TPSG1: variants seen among roughly 807,000 people sequenced by gnomAD.
TPSG1 encodes the protein tryptase gamma 1, also known as tryptase gamma.
TPSG1 carries 43 observed loss-of-function variants against 23.8 expected under a neutral mutation model. The observed-to-expected ratio is 1.81, with a 90% CI of 1.42 to 2.33. The LOEUF (loss-of-function observed/expected upper bound fraction) is 2.33. TPSG1 is among the 30% of genes most tolerant of loss of function. TPSG1 has a pLI of 0.00. For missense variants in TPSG1, 623 were observed against 438.6 expected, an observed-to-expected ratio of 1.42 and a Z score of -3.75; for synonymous variants, 302 against 201.3, an observed-to-expected ratio of 1.50 and a Z score of -4.23.
intron 1 of TPSG1, 173 bp from the exon 2 acceptor site, chr16:1,224,801 G>C (rs1023957116): frequency 1.3e-6 from 1 of 775,870 alleles, no homozygotes; most frequent in African/African-American, 1.8e-5. Flanking sequence ...CCCAGGGCTG[G>C]GTGGGACAAG....
chr16:1,225,177 C>A (rs1041980606), intron 1 of TPSG1, 30 bp downstream of exon 1: 9 of 1,560,500 alleles, frequency 5.8e-6, no homozygotes, highest in African/African-American at 2.7e-5. Flanking sequence ...AGATGCCCCC[C>A]CATCCCCACA....
rs112091602 is a variant in TPSG1, at chr16:1,223,729, C to CT, written c.74-136dup. On this transcript the variant is annotated intron_variant, in intron 2 of 5. Coordinates refer to ENST00000234798, the MANE Select transcript of TPSG1 (RefSeq NM_012467.4). Reference sequence around the variant, plus strand: ...CTTCAGCTCTCTCGTCTGCCAGACTCTCCCCAGAAGCATCGTGGGTGCAGC... The same window carrying CT: ...CTTCAGCTCTCTCGTCTGCCAGACTCTTCCCCAGAAGCATCGTGGGTGCAGC... The CT allele has an allele frequency of 5.0e-3, 5,484 of 1,093,364 alleles. 219 individuals carry two copies. The African/African-American group carries it at 0.08, about 16-fold the overall frequency. 67.7% of individuals were successfully genotyped at this position (1,093,364 alleles called of 1,614,324 possible).
Position 1,222,101 on chromosome 16 carries a change from G to A in TPSG1, c.658-5C>T. The A allele has an allele frequency of 4.3e-6, 7 of 1,612,732 alleles. No homozygotes were observed. Among genetic ancestry groups the A allele is most frequent in the Non-Finnish European group, 5.9e-6 (7 of 1,179,992 alleles). On this transcript the variant is annotated splice_region_variant and splice_polypyrimidine_tract_variant and intron_variant, in intron 5 of 5. Transcript: ENST00000234798. Reference sequence around the variant, plus strand: ...CAGAGGCCCCCCGGAGTCGTCCTGAGGACAGAGAAGGCGAGCATTGGGAGC... The same window carrying A: ...CAGAGGCCCCCCGGAGTCGTCCTGAAGACAGAGAAGGCGAGCATTGGGAGC...
rs776208685 is a variant in TPSG1 at position 1,221,913 on chromosome 16, TG to T, written c.840del (p.Arg281GlyfsTer17). 2.5e-6 allele frequency: 4 copies of T among 1,611,202 alleles called. No individual in the cohort carries two copies. The Admixed American group carries it at 6.7e-5, about 27-fold the overall frequency. On this transcript the variant is annotated frameshift_variant, in exon 6 of 6. Coordinates refer to ENST00000234798, the MANE Select transcript of TPSG1 (RefSeq NM_012467.4). LOFTEE classifies it low-confidence loss of function (END_TRUNC). ...TASGGSESGY[P>X]RLPLLAGFFL... The stretch of plus-strand genomic sequence containing the variant: ...AAGAAGCCAGCCAGGAGGGGGAGCC[TG>T]GGGTACCCAGACTCTGAGCCCCCTG...
intron 1 of TPSG1, among the ~76,000 whole-genome samples, chr16:1,224,955 C>T (rs1378256691): frequency 6.6e-6 from 1 of 151,738 alleles, no homozygotes; most frequent in African/African-American, 2.4e-5. Flanking sequence ...CCACCCGCAC[C>T]CCCAACTACC....
chr16:1,221,782 C>A lies in TPSG1; in HGVS notation c.*6G>T. ...TTATTTAAGAAATGCACTTGGATTC[C>A]TGCCATCAGTCAGGGGCGGGGAAGG... On this transcript the variant is annotated 3_prime_UTR_variant, in exon 6 of 6. Transcript: ENST00000234798. 1 of 1,592,356 alleles carries A rather than the reference C, an allele frequency of 6.3e-7. No individual in the cohort carries two copies.
chr16:1,224,412 G>T (rs185223629), intron 2 of TPSG1, among the ~76,000 whole-genome samples, 190 bp downstream of exon 2: 645 of 152,210 alleles, frequency 4.2e-3, no homozygotes, highest in Non-Finnish European at 6.8e-3. Flanking sequence ...CAGTGGTGGT[G>T]GGGGAGACAG....
chr16:1,223,162 A>G (rs577495658), intron 3 of TPSG1, among the ~76,000 whole-genome samples: 10 of 152,306 alleles, frequency 6.6e-5, no homozygotes, highest in African/African-American at 2.4e-4. Flanking sequence ...GCTGGTCAGG[A>G]GGCAGATTGC....
At chr16:1,224,868 C>T (rs936631568) in intron 1 of TPSG1, 2 of 604,824 alleles carry the variant, frequency 3.3e-6, no homozygotes, top group Admixed American at 3.0e-5. Context: ...CCTGGGCCTC[C>T]TCCCCGCCCT....
At chr16:1,224,790 GC>G in intron 1 of TPSG1, 162 bp from the exon 2 acceptor site, 1 of 836,252 alleles carries the variant, frequency 1.2e-6, no homozygotes, top group Non-Finnish European at 1.9e-6. Context: ...TGTCTCACTG[GC>G]CCAGGGCTGG....
intron 4 of TPSG1, 38 bp downstream of exon 4, chr16:1,222,614 C>A (rs751426017): frequency 1.3e-6 from 2 of 1,519,458 alleles, no homozygotes; most frequent in African/African-American, 1.4e-5. Context: ...GCCGCCCTTG[C>A]CTTCCTCCAT....
rs541226092 is a variant in TPSG1, at chr16:1,225,056, G to C, written c.46+151C>G. On this transcript the variant is annotated intron_variant, in intron 1 of 5. Coordinates refer to ENST00000234798, the MANE Select transcript of TPSG1 (RefSeq NM_012467.4). Reference sequence around the variant, plus strand: ...CGGACAGCTGGGCCTCCAGCCAGGGGTGCAGTCTCTTCAGAGGAGACACGG... The same window carrying C: ...CGGACAGCTGGGCCTCCAGCCAGGGCTGCAGTCTCTTCAGAGGAGACACGG... 9 of 833,532 alleles carry C rather than the reference G, an allele frequency of 1.1e-5. No individual in the cohort carries two copies. The African/African-American group carries it at 1.6e-4, about 14-fold the overall frequency. 51.6% of individuals were successfully genotyped at this position (833,532 alleles called of 1,614,324 possible).
chr16:1,224,919 C>T, intron 1 of TPSG1: 1 of 591,640 alleles, frequency 1.7e-6, no homozygotes, highest in Non-Finnish European at 3.0e-6. Flanking sequence ...TGTTCTAGGG[C>T]CTGGGACTCC....
chr16:1,222,161 C>G, intron 5 of TPSG1, 35 bp downstream of exon 5: 2 of 1,611,494 alleles, frequency 1.2e-6, no homozygotes, highest in Non-Finnish European at 1.7e-6. Context: ...GGGCTTCAGC[C>G]GCCCCCATCC....
intron 2 of TPSG1, 115 bp from the exon 3 acceptor site, chr16:1,223,709 GCT>G (rs2029983800): frequency 3.9e-6 from 5 of 1,271,508 alleles, no homozygotes; most frequent in Non-Finnish European, 5.3e-6. Flanking sequence ...TTGCTCTTCA[GCT>G]CTCTCGTCTG....
rs1355985299 is a variant in TPSG1, at chr16:1,222,799, TC to T, written c.363del (p.Thr122ProfsTer14). 1 of 1,612,146 alleles carries T rather than the reference TC, an allele frequency of 6.2e-7. No individual in the cohort carries two copies. On this transcript the variant is annotated frameshift_variant, in exon 4 of 6. Coordinates refer to ENST00000234798, the MANE Select transcript of TPSG1 (RefSeq NM_012467.4). LOFTEE classifies it high-confidence loss of function. ...ILHSSPSGQP[G>X]TSGDIALVEL... is the part of the protein sequence containing the mutation. ...TCCACCAGGGCGATGTCCCCGCTGG[TC>T]CCCGGCTGTCCTGAGGGGCTGGAGT... is the stretch of plus-strand genomic sequence containing the variant.
chr16:1,221,926 C>T lies in TPSG1; in HGVS notation c.828G>A (p.Glu276=). The part of the protein sequence containing the change: ...RRHITASGGS[E]SGYPRLPLLA... The stretch of plus-strand genomic sequence containing the variant: ...GGAGGGGGAGCCTGGGGTACCCAGA[C>T]TCTGAGCCCCCTGATGCTGTGATGT... The change falls in exon 6 of 6, where the codon GAG becomes GAA. Residue 276 remains glutamate, a synonymous_variant. Transcript: ENST00000234798. 1.9e-6 allele frequency: 3 copies of T among 1,611,592 alleles called. No homozygotes were observed. Among genetic ancestry groups the T allele is most frequent in the South Asian group, 1.1e-5 (1 of 90,956 alleles).
intron 1 of TPSG1, 26 bp from the exon 2 acceptor site, chr16:1,224,654 A>G: frequency 1.9e-6 from 3 of 1,613,420 alleles, no homozygotes; most frequent in Non-Finnish European, 1.7e-6. Context: ...AGGGCCCAGG[A>G]TGGAGGGGGC....
rs201404048 is a variant in TPSG1 at position 1,221,921 on chromosome 16, C to G, written c.833G>C (p.Gly278Ala). 2.0e-5 allele frequency: 32 copies of G among 1,611,556 alleles called. No homozygotes were observed. Among genetic ancestry groups the G allele is most frequent in the Non-Finnish European group, 2.7e-5 (32 of 1,179,174 alleles). Residue 278 changes from glycine to alanine, a missense_variant, in exon 6 of 6, where the codon GGG (glycine) becomes GCG (alanine). Gly to Ala is a moderately conservative substitution (Grantham distance 60). Transcript: ENST00000234798. ...AGCCAGGAGGGGGAGCCTGGGGTACCCAGACTCTGAGCCCCCTGATGCTGT... is the reference window on the plus strand; with the variant it reads ...AGCCAGGAGGGGGAGCCTGGGGTACGCAGACTCTGAGCCCCCTGATGCTGT... ...HITASGGSES[G>A]YPRLPLLAGF...
Sources: gnomAD v4.1 joint callset for allele counts (sites outside exome capture counted in the v4.1 genomes callset) on GRCh38, gnomAD v4.1.1 for gene constraint, MANE v1.5 for transcripts, NCBI Gene and HGNC (gene_info 2026-07-23, HGNC 2026-07-21) for gene names.